SEMA3C: variants seen among roughly 807,000 people sequenced by gnomAD.
The protein encoded by SEMA3C is semaphorin-3C.
A neutral mutation model predicts 89.4 loss-of-function variants in SEMA3C; 47 were observed. The ratio of observed to expected loss-of-function variants is 0.53; its 90% CI spans 0.42 to 0.67. The LOEUF is 0.67. Ranked by LOEUF, SEMA3C falls within the 30% of genes least tolerant of loss-of-function variation. SEMA3C has a pLI of 0.00. For synonymous variants in SEMA3C, 310 were observed against 320.2 expected (o/e 0.97, Z 0.34); for missense variants, 839 against 929.1 (o/e 0.90, Z 1.26).
intron 12 of SEMA3C, among the ~76,000 whole-genome samples, chr7:80,776,381 A>G (rs1186692705): frequency 6.6e-6 from 1 of 152,148 alleles, no homozygotes; most frequent in Non-Finnish European, 1.5e-5. Context: ...TGCAAACAGT[A>G]TAAACTAGAG....
chr7:80,789,544 T>G lies in SEMA3C; in HGVS notation c.1132-16A>C, dbSNP rs775404015. ...CTCCTGGACACTAGAAAGAAAGTTT[T>G]AAAGAACCAAGTTAATAAAATAGTT... On this transcript the variant is annotated splice_polypyrimidine_tract_variant and intron_variant, in intron 11 of 17. Transcript: ENST00000265361. 8 of 1,529,846 alleles carry G rather than the reference T, an allele frequency of 5.2e-6. No homozygotes were observed. The highest frequency in any genetic ancestry group is 1.7e-4 in the Middle Eastern group (1 of 5,768). 94.8% of individuals were successfully genotyped at this position (1,529,846 alleles called of 1,614,324 possible). A position where few individuals can be genotyped will look rare whatever the true frequency, so the allele number is the denominator to read the frequency against.
Position 80,765,156 on chromosome 7 carries a change from T to G in SEMA3C, c.1442A>C (p.Lys481Thr). The G allele has an allele frequency of 2.5e-6, 4 of 1,611,232 alleles. No individual in the cohort carries two copies. In the South Asian group the frequency reaches 3.3e-5, roughly 13 times the overall value. The change falls in exon 13 of 18, where the codon AAG becomes ACG. Residue 481 changes from lysine (K) to threonine (T), a missense_variant and splice_region_variant. Coordinates refer to ENST00000265361, the MANE Select transcript of SEMA3C (RefSeq NM_006379.5). The part of the protein sequence containing the change: ...ELILEELEVF[K>T]NHAPITTMKI... ...GATTAATAGAAGAGATGTTCAAACC[T>G]TAAAGACTTCCAGCTCCTCCAGAAT...
intron 17 of SEMA3C, among the ~76,000 whole-genome samples, chr7:80,748,241 G>A (rs1787843534): frequency 6.6e-6 from 1 of 151,814 alleles, no homozygotes; most frequent in African/African-American, 2.4e-5. Flanking sequence ...TATTTACAAG[G>A]TATCACCCTA....
intron 2 of SEMA3C, among the ~76,000 whole-genome samples, chr7:80,832,991 T>C (rs769207847): frequency 3.9e-5 from 6 of 152,166 alleles, no homozygotes; most frequent in Non-Finnish European, 7.3e-5. Context: ...TTCCAAACCA[T>C]TATTTTTTTC....
chr7:80,795,718 T>C (rs924428620), intron 11 of SEMA3C, among the ~76,000 whole-genome samples: 2 of 152,246 alleles, frequency 1.3e-5, no homozygotes, highest in Non-Finnish European at 1.5e-5. Flanking sequence ...CTGAGTTCTA[T>C]ACACCTGTTA....
chr7:80,835,413 A>G (rs1195936406), intron 2 of SEMA3C, among the ~76,000 whole-genome samples: 3 of 152,136 alleles, frequency 2.0e-5, no homozygotes, highest in Admixed American at 6.6e-5. Context: ...ACAGATTTCA[A>G]AGTAAATCTG....
intron 2 of SEMA3C, among the ~76,000 whole-genome samples, chr7:80,861,112 C>T (rs1298939643): frequency 6.6e-6 from 1 of 152,026 alleles, no homozygotes; most frequent in East Asian, 1.9e-4. Context: ...CTCACAACAG[C>T]ACTACAGGGC....
intron 12 of SEMA3C, among the ~76,000 whole-genome samples, chr7:80,768,265 G>T (rs2117066534): frequency 6.6e-6 from 1 of 152,298 alleles, no homozygotes; most frequent in East Asian, 1.9e-4. Flanking sequence ...TGTAATCCCA[G>T]CACTTTGGGA....
At chr7:80,908,056 G>C (rs1464439160) in intron 2 of SEMA3C, among the ~76,000 whole-genome samples, 1 of 151,958 alleles carries the variant, frequency 6.6e-6, no homozygotes, top group African/African-American at 2.4e-5. Flanking sequence ...TAACCACTTT[G>C]CTACTACTCA....
At chr7:80,864,166 G>C (rs1224833053) in intron 2 of SEMA3C, among the ~76,000 whole-genome samples, 3 of 152,006 alleles carry the variant, frequency 2.0e-5, no homozygotes, top group African/African-American at 7.2e-5. Context: ...TTTGTATGCT[G>C]TTAGTGATAT....
At chr7:80,791,093 A>C (rs1313149235) in intron 11 of SEMA3C, among the ~76,000 whole-genome samples, 1 of 151,994 alleles carries the variant, frequency 6.6e-6, no homozygotes, top group Non-Finnish European at 1.5e-5. Flanking sequence ...CACTGAGTCC[A>C]AGGGGGCAGG....
intron 2 of SEMA3C, among the ~76,000 whole-genome samples, chr7:80,864,905 T>C (rs879369429): frequency 3.3e-5 from 5 of 152,172 alleles, no homozygotes; most frequent in Non-Finnish European, 7.4e-5. Flanking sequence ...ACCTTAATTT[T>C]CCCAGACACC....
At chr7:80,768,970 T>C (rs1458583542) in intron 12 of SEMA3C, among the ~76,000 whole-genome samples, 1 of 152,248 alleles carries the variant, frequency 6.6e-6, no homozygotes, top group Non-Finnish European at 1.5e-5. Flanking sequence ...CTTAACAGTT[T>C]TATGGTTCCC....
chr7:80,826,510 G>T (rs1303871692), intron 4 of SEMA3C, among the ~76,000 whole-genome samples: 1 of 152,078 alleles, frequency 6.6e-6, no homozygotes, highest in African/African-American at 2.4e-5. Flanking sequence ...GTTGACTGGA[G>T]TCAGAACTGT....
intron 5 of SEMA3C, among the ~76,000 whole-genome samples, chr7:80,817,752 T>A (rs1789642975): frequency 6.6e-6 from 1 of 152,188 alleles, no homozygotes; most frequent in South Asian, 2.1e-4. Context: ...AAAGTATGAT[T>A]TGTTAATTAC....
chr7:80,799,492 C>G (rs1789146659), intron 10 of SEMA3C, among the ~76,000 whole-genome samples: 1 of 151,998 alleles, frequency 6.6e-6, no homozygotes, highest in Non-Finnish European at 1.5e-5. Context: ...TTGGGCATCC[C>G]AGAGAAGTGA....
At chr7:80,897,632 T>C (rs1329792777) in intron 2 of SEMA3C, among the ~76,000 whole-genome samples, 1 of 152,096 alleles carries the variant, frequency 6.6e-6, no homozygotes. Context: ...AGAAGAAAGA[T>C]AACCTAGATG....
intron 6 of SEMA3C, among the ~76,000 whole-genome samples, chr7:80,806,168 T>C (rs902443208): frequency 1.3e-5 from 2 of 152,062 alleles, no homozygotes; most frequent in African/African-American, 4.8e-5. Flanking sequence ...GAAAACATGG[T>C]TTCTAACTTT....
chr7:80,830,916 T>C (rs1482612515), intron 2 of SEMA3C, among the ~76,000 whole-genome samples: 1 of 151,992 alleles, frequency 6.6e-6, no homozygotes, highest in Non-Finnish European at 1.5e-5. Flanking sequence ...TAGAAAAAAA[T>C]CCAAGAGCTG....
Sources: gnomAD v4.1 joint callset for allele counts (sites outside exome capture counted in the v4.1 genomes callset) on GRCh38, gnomAD v4.1.1 for gene constraint, MANE v1.5 for transcripts, NCBI Gene and HGNC (gene_info 2026-07-23, HGNC 2026-07-21) for gene names.